TTI1: variants seen among roughly 807,000 people sequenced by gnomAD.
TTI1 encodes the protein TELO2-interacting protein 1 homolog.
A neutral mutation model predicts 85.4 loss-of-function variants in TTI1; 52 were observed. The observed-to-expected ratio is 0.61, with a 90% CI of 0.49 to 0.77. The LOEUF is 0.77. TTI1 is among the 30% of genes least tolerant of loss of function. TTI1 has a pLI of 0.00. For synonymous variants in TTI1, 512 were observed against 503.9 expected (o/e 1.02, Z -0.22); for missense variants, 1,173 against 1,296.0 (o/e 0.91, Z 1.46).
In TTI1 at chr20:38,021,024, T is replaced by C. The variant is rs186318765; in HGVS notation, c.-41-7167A>G. On this transcript the variant is annotated intron_variant, in intron 1 of 7. Coordinates refer to ENST00000373447, the MANE Select transcript of TTI1 (RefSeq NM_001303457.2). Reference sequence around the variant, plus strand: ...GATATATACCCAATAGAAATGTACATATAAGCTTATCAAAAGATATATTCT... The same window carrying C: ...GATATATACCCAATAGAAATGTACACATAAGCTTATCAAAAGATATATTCT... Among the ~76,000 whole-genome samples the C allele has an allele frequency of 9.2e-5, 14 of 152,328 alleles. No homozygotes were observed. The East Asian group carries it at 2.7e-3, about 29-fold the overall frequency.
At position 38,012,487 on chromosome 20, in the gene TTI1, T is replaced by C. The variant is rs763993159; in HGVS notation, c.1330A>G (p.Lys444Glu). 3 of 1,614,022 alleles carry C rather than the reference T, an allele frequency of 1.9e-6. No individual in the cohort carries two copies. Among genetic ancestry groups the C allele is most frequent in the South Asian group, 1.1e-5 (1 of 91,074 alleles). ...TTCCAACGCCGTTCCTCAACAATCT[T>C]GATGTCAGCCACGTCTAGCTCTAGA... Reference protein sequence around the residue: ...QVLELDVADIKIVEERRWNSD... With the variant: ...QVLELDVADIEIVEERRWNSD... The change falls in exon 2 of 8, where the codon AAG becomes GAG. Residue 444 changes from lysine to glutamate, a missense_variant. Lys to Glu is a moderately conservative substitution (Grantham distance 56, BLOSUM62 1). Coordinates refer to ENST00000373447, the MANE Select transcript of TTI1 (RefSeq NM_001303457.2).
chr20:38,028,312 T>G (rs2073861367), intron 1 of TTI1, among the ~76,000 whole-genome samples: 1 of 152,174 alleles, frequency 6.6e-6, no homozygotes, highest in African/African-American at 2.4e-5. Context: ...AGAGGCTGAT[T>G]GAAAATCAAA....
chr20:38,029,070 C>T (rs1449270508), intron 1 of TTI1, among the ~76,000 whole-genome samples: 2 of 151,982 alleles, frequency 1.3e-5, no homozygotes, highest in African/African-American at 4.8e-5. Flanking sequence ...AAACAAACCT[C>T]AACAAATTTA....
Sources: allele counts gnomAD v4.1 joint callset (sites outside exome capture counted in the v4.1 genomes callset), GRCh38; gene constraint gnomAD v4.1.1; transcripts MANE v1.5; gene names NCBI Gene and HGNC (gene_info 2026-07-23, HGNC 2026-07-21).